Variants in APBA1 observed in about 807,000 individuals in gnomAD.
The protein encoded by APBA1 is amyloid beta precursor protein binding family A member 1.
APBA1 carries 55 observed loss-of-function variants against 86.6 expected under a neutral mutation model. The ratio of observed to expected loss-of-function variants is 0.64; its 90% CI spans 0.51 to 0.80. The LOEUF is 0.80. Ranked by LOEUF, APBA1 falls within the 30% of genes least tolerant of loss-of-function variation. The pLI is 0.00. For synonymous variants in APBA1, 511 were observed against 493.9 expected (o/e 1.03, Z -0.46); for missense variants, 1,090 against 1,183.0 (o/e 0.92, Z 1.15).
At chr9:69,559,793 T>A (rs553000131) in intron 1 of APBA1, among the ~76,000 whole-genome samples, 2 of 152,354 alleles carry the variant, frequency 1.3e-5, no homozygotes, top group African/African-American at 4.8e-5. Context: ...TCTATTCATC[T>A]TTAGTGTTCT....
intron 2 of APBA1, among the ~76,000 whole-genome samples, chr9:69,489,097 C>G (rs1835659251): frequency 6.6e-6 from 1 of 152,054 alleles, no homozygotes; most frequent in Non-Finnish European, 1.5e-5. Flanking sequence ...ATCAAGCTAC[C>G]AATGACTTTC....
intron 5 of APBA1, among the ~76,000 whole-genome samples, chr9:69,466,244 G>A (rs997308852): frequency 6.6e-6 from 1 of 152,092 alleles, no homozygotes; most frequent in African/African-American, 2.4e-5. Flanking sequence ...AGGGACGTGG[G>A]GCCATTCACA....
At chr9:69,456,973 GC>G in intron 7 of APBA1, 79 bp downstream of exon 7, 1 of 1,219,936 alleles carries the variant, frequency 8.2e-7, no homozygotes, top group Non-Finnish European at 1.2e-6. Flanking sequence ...ACAGACACAT[GC>G]CTGCTCTACA....
rs1834526109 is a variant in APBA1, at chr9:69,428,388, T to A, written c.*2939A>T. ...TCGCTGGAGAAGTGGGCTCCAGGCA[T>A]TGGTCTTTGGGGGTTTCTTCCTCTC... On this transcript the variant is annotated 3_prime_UTR_variant, in exon 13 of 13. Transcript: ENST00000265381. The A allele has an allele frequency of 6.6e-6, 1 of 152,302 alleles. No individual in the cohort carries two copies. Among genetic ancestry groups the A allele is most frequent in the Non-Finnish European group, 1.5e-5 (1 of 68,146 alleles). 9.4% of individuals were successfully genotyped at this position (152,302 alleles called of 1,614,324 possible). A position where few individuals can be genotyped will look rare whatever the true frequency, so the allele number is the denominator to read the frequency against.
In APBA1 at chr9:69,516,821, C is replaced by A. The variant is rs781304231; in HGVS notation, c.390G>T (p.Thr130=). The change falls in exon 2 of 13, where the codon ACG becomes ACT. Residue 130 remains threonine, a synonymous_variant. Coordinates refer to ENST00000265381, the MANE Select transcript of APBA1 (RefSeq NM_001163.4). This position sits in a 1 kb window ranked among gnomAD's most constrained non-coding sequence, Gnocchi z 7.3. ...VQYRPEAEEY[T]EQAEAEHAEA... ...CGGCGTGCTCGGCCTCTGCCTGCTCCGTGTACTCCTCGGCCTCGGGCCGGT... is the reference window on the plus strand; with the variant it reads ...CGGCGTGCTCGGCCTCTGCCTGCTCAGTGTACTCCTCGGCCTCGGGCCGGT... 6 of 1,607,058 alleles carry A rather than the reference C, an allele frequency of 3.7e-6. No homozygotes were observed. The Admixed American group carries it at 5.0e-5, about 13-fold the overall frequency.
At chr9:69,574,696 G>A (rs1821744069) in intron 1 of APBA1, among the ~76,000 whole-genome samples, 1 of 152,014 alleles carries the variant, frequency 6.6e-6, no homozygotes, top group Admixed American at 6.6e-5. Flanking sequence ...TTTGAAACAT[G>A]GATCCATTTA....
chr9:69,634,414 G>A (rs1022426092), intron 1 of APBA1, among the ~76,000 whole-genome samples: 17 of 152,192 alleles, frequency 1.1e-4, no homozygotes, highest in Non-Finnish European at 2.5e-4. Context: ...TGCCACTGCG[G>A]ATTAAAGTGT....
chr9:69,591,821 T>C (rs1822135689), intron 1 of APBA1, among the ~76,000 whole-genome samples: 1 of 152,240 alleles, frequency 6.6e-6, no homozygotes, highest in Non-Finnish European at 1.5e-5. Flanking sequence ...CCGAGGCCTT[T>C]CCCATGTGAT....
At chr9:69,593,182 T>C (rs1486028667) in intron 1 of APBA1, among the ~76,000 whole-genome samples, 1 of 152,234 alleles carries the variant, frequency 6.6e-6, no homozygotes, top group Non-Finnish European at 1.5e-5. Context: ...TTTTTAAAAT[T>C]TGCCCTTTGA....
At chr9:69,562,493 G>T (rs1836962141) in intron 1 of APBA1, among the ~76,000 whole-genome samples, 1 of 151,682 alleles carries the variant, frequency 6.6e-6, no homozygotes, top group African/African-American at 2.4e-5. Flanking sequence ...TCCTGCCTCA[G>T]CCTCCCCAGT....
Position 69,449,617 on chromosome 9 carries a change from G to T in APBA1, c.2148C>A (p.Gly716=). 1 of 1,613,898 alleles carries T rather than the reference G, an allele frequency of 6.2e-7. No homozygotes were observed. Among genetic ancestry groups the T allele is most frequent in the Non-Finnish European group, 8.5e-7 (1 of 1,180,012 alleles). Residue 716 remains glycine (G), a synonymous_variant, in exon 10 of 13, where the codon GGC becomes GGA. Coordinates refer to ENST00000265381, the MANE Select transcript of APBA1 (RefSeq NM_001163.4). ...TGCTCTGGCAGGTGGACAGAGGCAGGCCCACCAGGCTGGTGCCATTAATGG... is the reference window on the plus strand; with the variant it reads ...TGCTCTGGCAGGTGGACAGAGGCAGTCCCACCAGGCTGGTGCCATTAATGG... ...IMSINGTSLV[G]LPLSTCQSII...
At chr9:69,658,698 C>T (rs928778378) in intron 1 of APBA1, among the ~76,000 whole-genome samples, 7 of 152,122 alleles carry the variant, frequency 4.6e-5, no homozygotes, top group African/African-American at 1.7e-4. Flanking sequence ...AGCCACTGCA[C>T]CTGTCCTCAA....
intron 2 of APBA1, among the ~76,000 whole-genome samples, chr9:69,502,941 T>A (rs983053360): frequency 5.9e-5 from 9 of 152,146 alleles, no homozygotes; most frequent in African/African-American, 2.2e-4. Context: ...CAATTAGTGA[T>A]CTTCACCTTA....
chr9:69,444,586 C>T (rs1172125081), intron 10 of APBA1, among the ~76,000 whole-genome samples: 2 of 152,144 alleles, frequency 1.3e-5, no homozygotes, highest in East Asian at 3.8e-4. Context: ...ATGATTGCAC[C>T]CCCTTTAATG....
At chr9:69,578,815 T>C (rs111525186) in intron 1 of APBA1, among the ~76,000 whole-genome samples, 6 of 152,292 alleles carry the variant, frequency 3.9e-5, no homozygotes, top group African/African-American at 7.2e-5. Context: ...ATTTTAACAA[T>C]TGCAATTTTA....
chr9:69,500,248 C>T (rs1835861223), intron 2 of APBA1, among the ~76,000 whole-genome samples: 1 of 152,078 alleles, frequency 6.6e-6, no homozygotes, highest in Admixed American at 6.5e-5. Flanking sequence ...AAAGGCCAGC[C>T]CCCTAATTCA....
At chr9:69,625,977 A>T (rs1822920724) in intron 1 of APBA1, among the ~76,000 whole-genome samples, 1 of 152,148 alleles carries the variant, frequency 6.6e-6, no homozygotes, top group Admixed American at 6.6e-5. Context: ...TGATAAGGGG[A>T]TTAACTTGGA....
At chr9:69,587,760 C>T (rs756288999) in intron 1 of APBA1, among the ~76,000 whole-genome samples, 2 of 152,082 alleles carry the variant, frequency 1.3e-5, no homozygotes, top group African/African-American at 4.8e-5. Context: ...CGTGGTGGCT[C>T]AAGCCTGTAA....
Position 69,516,990 on chromosome 9 carries a change from C to A in APBA1, c.221G>T (p.Cys74Phe). 6.3e-7 allele frequency: 1 copy of A among 1,583,522 alleles called. No individual in the cohort carries two copies. Among genetic ancestry groups the A allele is most frequent in the African/African-American group, 1.3e-5 (1 of 74,592 alleles). ...CTCCGTGCTGGCTGAGCGCGCCAGG[C>A]ATTCCCCGCGCTCCTCTTCCTCCTG... ...LGQEEEERGE[C>F]LARSASTESG... The change falls in exon 2 of 13, where the codon TGC becomes TTC. Residue 74 changes from cysteine (C) to phenylalanine (F), a missense_variant. Around this residue, in one of 6 missense-constraint regions of APBA1, gnomAD observed 678 missense variants for 647.1 expected, o/e 1.05. Transcript: ENST00000265381. The surrounding 1 kb of genome is among the most constrained non-coding windows in gnomAD (Gnocchi z 7.3).
Sources: allele counts gnomAD v4.1 joint callset (sites outside exome capture counted in the v4.1 genomes callset), GRCh38; gene constraint gnomAD v4.1.1; regional missense constraint gnomAD v4.1.1; non-coding constraint Gnocchi (gnomAD v3.1); transcripts MANE v1.5; gene names NCBI Gene and HGNC (gene_info 2026-07-23, HGNC 2026-07-21).